The following NRXN1 variants were observed in gnomAD, a reference collection of about 807,000 sequenced individuals.
NRXN1 encodes neurexin-1.
A neutral mutation model predicts 150.9 loss-of-function variants in NRXN1; 39 were observed. The ratio of observed to expected loss-of-function variants is 0.26; its 90% CI spans 0.20 to 0.34. NRXN1 has a LOEUF of 0.34. Ranked by LOEUF, NRXN1 falls within the 10% of genes least tolerant of loss-of-function variation. The pLI is 1.00. For missense variants in NRXN1, 1,815 were observed against 1,949.9 expected (o/e 0.93, Z 1.30); for synonymous variants, 924 against 757.0 (o/e 1.22, Z -3.62).
At chr2:50,110,734 G>C (rs947815038) in intron 18 of NRXN1, among the ~76,000 whole-genome samples, 1 of 151,928 alleles carries the variant, frequency 6.6e-6, no homozygotes. Context: ...GGATAATAGT[G>C]GTTACCAAAT....
chr2:50,635,440 TG>T (rs1230852566), intron 5 of NRXN1, among the ~76,000 whole-genome samples: 2 of 151,978 alleles, frequency 1.3e-5, no homozygotes, highest in East Asian at 1.9e-4. Context: ...CCCAATGTGC[TG>T]GGATTACAGG....
intron 5 of NRXN1, chr2:50,632,738 T>C (rs1478485070): frequency 1.3e-5 from 2 of 152,078 alleles, no homozygotes; most frequent in Non-Finnish European, 2.9e-5. Context: ...ATTGATATCA[T>C]GGCACTGTTC....
At chr2:50,013,032 C>A (rs944656050) in intron 21 of NRXN1, among the ~76,000 whole-genome samples, 23 of 151,970 alleles carry the variant, frequency 1.5e-4, no homozygotes, top group African/African-American at 5.6e-4. Context: ...AAAACAAAAC[C>A]TACATTTGTT....
chr2:50,986,553 T>C (rs1009917481), intron 2 of NRXN1, among the ~76,000 whole-genome samples: 1 of 151,716 alleles, frequency 6.6e-6, no homozygotes, highest in African/African-American at 2.4e-5. Flanking sequence ...ATACTAAACA[T>C]TAACATAGTG....
intron 17 of NRXN1, among the ~76,000 whole-genome samples, chr2:50,266,725 C>T (rs1044268777): frequency 5.3e-5 from 8 of 151,842 alleles, no homozygotes; most frequent in Non-Finnish European, 1.0e-4. Context: ...TGTCTTTCCT[C>T]GATACTGCTT....
intron 5 of NRXN1, among the ~76,000 whole-genome samples, chr2:50,692,616 A>G (rs1370864732): frequency 6.6e-6 from 1 of 152,208 alleles, no homozygotes; most frequent in Non-Finnish European, 1.5e-5. Context: ...TTTATGATCC[A>G]TCAACAAAAA....
At chr2:50,387,443 C>G (rs1326164174) in intron 17 of NRXN1, among the ~76,000 whole-genome samples, 1 of 152,186 alleles carries the variant, frequency 6.6e-6, no homozygotes, top group African/African-American at 2.4e-5. Context: ...CAGGCCCCAA[C>G]TACTTACAGT....
In NRXN1 at chr2:50,323,592, T is replaced by TATAA. The variant is rs1553443933; in HGVS notation, c.3365-86623_3365-86622insTTAT. ...TAAACTATATATATATATATATATATAACTTAGCAGATTCAAATTTTATTT... is the reference window on the plus strand; with the variant it reads ...TAAACTATATATATATATATATATATATAAAACTTAGCAGATTCAAATTTTATTT... On this transcript the variant is annotated intron_variant, in intron 17 of 22. Transcript: ENST00000401669. 6.4e-4 allele frequency among the ~76,000 whole-genome samples: 96 copies of TATAA among 150,374 alleles called. 9 individuals carry two copies. The highest frequency in any genetic ancestry group is 2.1e-3 in the African/African-American group (84 of 40,778).
intron 18 of NRXN1, among the ~76,000 whole-genome samples, chr2:50,150,393 T>A (rs541944724): frequency 2.2e-4 from 34 of 151,936 alleles, no homozygotes; most frequent in African/African-American, 6.5e-4. Flanking sequence ...ACATCAGAAC[T>A]AGCAAAGGAT....
intron 17 of NRXN1, among the ~76,000 whole-genome samples, chr2:50,329,659 ATATATATATATATATTT>A (rs1253823495): frequency 6.8e-4 from 15 of 22,148 alleles, no homozygotes; most frequent in African/African-American, 2.4e-3. Flanking sequence ...ATATATATAT[ATATATATATATATATTT>A]TTTTTTTTCC....
At chr2:50,156,303 A>G (rs1024794915) in intron 18 of NRXN1, among the ~76,000 whole-genome samples, 1 of 151,902 alleles carries the variant, frequency 6.6e-6, no homozygotes, top group Non-Finnish European at 1.5e-5. Flanking sequence ...GCCCCATTAA[A>G]TAAGTAGGAT....
At chr2:50,754,884 G>A (rs1276085333) in intron 5 of NRXN1, among the ~76,000 whole-genome samples, 3 of 151,792 alleles carry the variant, frequency 2.0e-5, no homozygotes, top group Non-Finnish European at 4.4e-5. Context: ...TGAAAAGTCA[G>A]ATATTTATTG....
chr2:50,811,360 C>A (rs1262717742), intron 5 of NRXN1, among the ~76,000 whole-genome samples: 1 of 152,136 alleles, frequency 6.6e-6, no homozygotes, highest in Non-Finnish European at 1.5e-5. Flanking sequence ...GTAAACATAT[C>A]TTCTAGACCA....
At chr2:50,278,855 G>A (rs957955698) in intron 17 of NRXN1, among the ~76,000 whole-genome samples, 2 of 152,098 alleles carry the variant, frequency 1.3e-5, no homozygotes, top group African/African-American at 4.8e-5. Flanking sequence ...ATAACTTAAT[G>A]ATGTGTCACT....
chr2:50,929,684 C>T (rs927851783), intron 2 of NRXN1, among the ~76,000 whole-genome samples: 5 of 152,176 alleles, frequency 3.3e-5, no homozygotes, highest in African/African-American at 1.2e-4. Flanking sequence ...CTATTTCCTT[C>T]CTCCATACAG....
chr2:50,792,908 G>T lies in NRXN1; in HGVS notation c.832+128961C>A, dbSNP rs550932222. Among the ~76,000 whole-genome samples, 14 of 152,164 alleles carry T rather than the reference G, an allele frequency of 9.2e-5. No individual in the cohort carries two copies. In the East Asian group the frequency reaches 2.7e-3, roughly 29 times the overall value. ...AAAGTAACATAAGCTGTAAGCAGAA[G>T]AATTGAGATTTGAGCACTGATATTA... On this transcript the variant is annotated intron_variant, in intron 5 of 22. Transcript: ENST00000401669.
At chr2:50,920,764 A>C (rs1685910534) in intron 5 of NRXN1, among the ~76,000 whole-genome samples, 1 of 151,838 alleles carries the variant, frequency 6.6e-6, no homozygotes, top group Non-Finnish European at 1.5e-5. Flanking sequence ...ATATGAGATT[A>C]AATTATACTA....
chr2:50,697,493 AATGT>A (rs1693090042), intron 5 of NRXN1, among the ~76,000 whole-genome samples: 1 of 152,176 alleles, frequency 6.6e-6, no homozygotes, highest in Non-Finnish European at 1.5e-5. Flanking sequence ...AAGGAAAATT[AATGT>A]ATTGGTTTTG....
chr2:50,069,819 A>G (rs1395929162), intron 19 of NRXN1, among the ~76,000 whole-genome samples: 1 of 149,668 alleles, frequency 6.7e-6, no homozygotes, highest in African/African-American at 2.5e-5. Flanking sequence ...GAAGGCAGAC[A>G]TAGGTTAGAT....
Sources: allele counts gnomAD v4.1 joint callset (sites outside exome capture counted in the v4.1 genomes callset), GRCh38; gene constraint gnomAD v4.1.1; transcripts MANE v1.5; gene names NCBI Gene and HGNC (gene_info 2026-07-23, HGNC 2026-07-21).